The following INTS6 variants were observed in gnomAD, a reference collection of about 807,000 sequenced individuals.
The protein encoded by INTS6 is DEAD box protein.
INTS6 carries 16 observed loss-of-function variants against 104.9 expected under a neutral mutation model. The ratio of observed to expected loss-of-function variants is 0.15; its 90% CI spans 0.10 to 0.23. The LOEUF (loss-of-function observed/expected upper bound fraction) is 0.23. Among genes scored for constraint, INTS6 ranks in the 10% least tolerant of loss-of-function variants. The pLI is 1.00. For missense variants in INTS6, 584 were observed against 1,062.8 expected (o/e 0.55, Z 6.26); for synonymous variants, 324 against 358.7 (o/e 0.90, Z 1.09).
intron 4 of INTS6, among the ~76,000 whole-genome samples, chr13:51,429,725 C>G (rs1957050510): frequency 7.9e-6 from 1 of 127,352 alleles, no homozygotes; most frequent in Non-Finnish European, 1.6e-5. Flanking sequence ...GATTGTGCCA[C>G]TGCACTCTAG....
chr13:51,450,261 TATC>T lies in INTS6; in HGVS notation c.339+761_339+763del, dbSNP rs202050885. On this transcript the variant is annotated intron_variant, in intron 3 of 17. Coordinates refer to ENST00000311234, the MANE Select transcript of INTS6 (RefSeq NM_012141.3). ...GTATCTTTTATTTCCAGGGCAATAATATCATAAAATGTTACAATAGACCACCTT... is the reference window on the plus strand; with the variant it reads ...GTATCTTTTATTTCCAGGGCAATAATATAAAATGTTACAATAGACCACCTT... 8,458 of 984,610 alleles carry T rather than the reference TATC, an allele frequency of 8.6e-3. 37 individuals are homozygous for T. Among genetic ancestry groups the T allele is most frequent in the Middle Eastern group, 0.014 (26 of 1,912 alleles). The allele number at this position is 984,610 out of a possible 1,614,324, so 61.0% of individuals were successfully genotyped here.
rs888231390 is a variant in INTS6 at position 51,378,381 on chromosome 13, C to T, written c.1460G>A (p.Arg487Gln). 44 of 1,613,260 alleles carry T rather than the reference C, an allele frequency of 2.7e-5. No homozygotes were observed. The highest frequency in any genetic ancestry group is 8.3e-5 in the Admixed American group (5 of 59,972). The part of the protein sequence containing the change: ...KVVQETGIKV[R>Q]SRSHGLSMAY... Reference sequence around the variant, plus strand: ...CATTGATAAACCATGTGATCGGCTCCGGACTTTTATTCCAGTCTCCTGTAC... The same window carrying T: ...CATTGATAAACCATGTGATCGGCTCTGGACTTTTATTCCAGTCTCCTGTAC... Residue 487 changes from arginine (R) to glutamine (Q), a missense_variant, in exon 12 of 18, where the codon CGG becomes CAG. This residue lies in a region of INTS6 where 74 missense variants were observed against 64.4 expected (regional missense o/e 1.15). Transcript: ENST00000311234.
chr13:51,446,625 T>C (rs576486291), intron 3 of INTS6: 8 of 152,340 alleles, frequency 5.3e-5, no homozygotes, highest in African/African-American at 1.9e-4. Flanking sequence ...TGCAGCATTA[T>C]TCACAACAGC....
intron 3 of INTS6, chr13:51,447,397 C>G (rs913736960): frequency 1.3e-5 from 2 of 152,034 alleles, no homozygotes; most frequent in African/African-American, 4.8e-5. Context: ...CAAAATAGAC[C>G]TTTATGCTCA....
intron 3 of INTS6, among the ~76,000 whole-genome samples, chr13:51,431,668 G>A (rs894045324): frequency 2.0e-5 from 3 of 152,090 alleles, no homozygotes; most frequent in South Asian, 2.1e-4. Context: ...GTAATAGATC[G>A]TCTTGATCAA....
At chr13:51,395,253 A>T (rs1344072616) in intron 5 of INTS6, 47 bp downstream of exon 5, 11 of 1,527,732 alleles carry the variant, frequency 7.2e-6, no homozygotes, top group Non-Finnish European at 9.7e-6. Context: ...AAACATTCAG[A>T]TAAAATCTGC....
At chr13:51,426,007 C>G (rs967236065) in intron 4 of INTS6, among the ~76,000 whole-genome samples, 2 of 151,704 alleles carry the variant, frequency 1.3e-5, no homozygotes, top group African/African-American at 4.8e-5. Flanking sequence ...AAATTCAATC[C>G]AAGTAATCAT....
intron 15 of INTS6, among the ~76,000 whole-genome samples, chr13:51,370,556 G>A (rs958190365): frequency 4.6e-5 from 7 of 152,134 alleles, no homozygotes; most frequent in African/African-American, 7.2e-5. Context: ...AAGACAAGGC[G>A]TTTTGTTGGG....
intron 4 of INTS6, among the ~76,000 whole-genome samples, chr13:51,424,156 T>C (rs1014107788): frequency 6.6e-6 from 1 of 152,086 alleles, no homozygotes; most frequent in African/African-American, 2.4e-5. Flanking sequence ...GACTCTCTTA[T>C]TGCTTATTGG....
intron 4 of INTS6, chr13:51,423,134 C>T (rs907150524): frequency 5.9e-6 from 6 of 1,015,412 alleles, no homozygotes; most frequent in African/African-American, 1.7e-5. Flanking sequence ...ATGGAGCTGC[C>T]GCTATTCTTA....
intron 5 of INTS6, among the ~76,000 whole-genome samples, chr13:51,392,980 T>C (rs888200946): frequency 2.6e-5 from 4 of 151,918 alleles, no homozygotes; most frequent in South Asian, 2.1e-4. Context: ...ATTTTGGCAA[T>C]ACAGATGAAT....
intron 7 of INTS6, chr13:51,384,606 A>G (rs891606577): frequency 2.2e-6 from 1 of 456,492 alleles, no homozygotes; most frequent in Non-Finnish European, 4.4e-6. Context: ...CAATATGTAC[A>G]ATTTGTTTCT....
Position 51,452,193 on chromosome 13 carries a change from C to CCCGGGGG in INTS6, c.112-139_112-138insCCCCCGG, listed in dbSNP as rs1953073729. 1 of 822,632 alleles carries CCCGGGGG rather than the reference C, an allele frequency of 1.2e-6. No homozygotes were observed. The highest frequency in any genetic ancestry group is 1.8e-6 in the Non-Finnish European group (1 of 545,924). The allele number at this position is 822,632 out of a possible 1,614,324, so 51.0% of individuals were successfully genotyped here. A position where few individuals can be genotyped will look rare whatever the true frequency, so the allele number is the denominator to read the frequency against. On this transcript the variant is annotated intron_variant, in intron 1 of 17. Coordinates refer to ENST00000311234, the MANE Select transcript of INTS6 (RefSeq NM_012141.3). This position sits in a 1 kb window ranked among gnomAD's most constrained non-coding sequence, Gnocchi z 4.2. Reference sequence around the variant, plus strand: ...GCGGCCACCCCTCCACGCCGTCCCCCACACACAGATCGCTCCCCACACACC... The same window carrying CCCGGGGG: ...GCGGCCACCCCTCCACGCCGTCCCCCCCGGGGGACACACAGATCGCTCCCCACACACC...
chr13:51,450,601 A>T (rs1953019022), intron 3 of INTS6: 3 of 985,828 alleles, frequency 3.0e-6, no homozygotes, highest in Non-Finnish European at 3.6e-6. Flanking sequence ...GGTCACATTA[A>T]ACCCTGATGC....
intron 4 of INTS6, among the ~76,000 whole-genome samples, chr13:51,414,627 A>G (rs1956749859): frequency 6.6e-6 from 1 of 152,180 alleles, no homozygotes; most frequent in South Asian, 2.1e-4. Context: ...AGCTTAATAA[A>G]AGCTTTTTTT....
chr13:51,341,562 C>T, the INTS6 span, among the ~76,000 whole-genome samples: 1 of 152,204 alleles, frequency 6.6e-6, no homozygotes, highest in Non-Finnish European at 1.5e-5. Flanking sequence ...AGAGTGATCA[C>T]TGGACAGGTC....
intron 3 of INTS6, chr13:51,445,363 T>G (rs765322404): frequency 6.6e-6 from 1 of 152,244 alleles, no homozygotes; most frequent in Admixed American, 6.5e-5. Flanking sequence ...GTGATACTAA[T>G]AGATGTTTAA....
chr13:51,334,962 G>A, the INTS6 span, among the ~76,000 whole-genome samples: 1 of 132,218 alleles, frequency 7.6e-6, no homozygotes, highest in Non-Finnish European at 1.6e-5. Context: ...CAGCCTGGGT[G>A]ACAGAGCAAG....
chr13:51,399,891 T>C (rs150497732), intron 4 of INTS6, among the ~76,000 whole-genome samples: 2 of 152,334 alleles, frequency 1.3e-5, no homozygotes, highest in East Asian at 3.9e-4. Context: ...TTTCTCTTAT[T>C]GATTTGGAGG....
Sources: allele counts gnomAD v4.1 joint callset (sites outside exome capture counted in the v4.1 genomes callset), GRCh38; gene constraint gnomAD v4.1.1; regional missense constraint gnomAD v4.1.1; non-coding constraint Gnocchi (gnomAD v3.1); transcripts MANE v1.5; gene names NCBI Gene and HGNC (gene_info 2026-07-23, HGNC 2026-07-21).